SCHIP1: variants seen among roughly 807,000 people sequenced by gnomAD.
SCHIP1 encodes the protein schwannomin-interacting protein 1.
In SCHIP1, 8 loss-of-function variants were observed where a neutral mutation model predicts 29.7. That is an observed-to-expected ratio of 0.27 (90% CI 0.16 to 0.49). The LOEUF is 0.49. Ranked by LOEUF, SCHIP1 falls within the 20% of genes least tolerant of loss-of-function variation. The pLI is 0.99. For missense variants in SCHIP1, 193 were observed against 294.6 expected (o/e 0.66, Z 2.52); for synonymous variants, 76 against 94.9 (o/e 0.80, Z 1.16).
At chr3:159,725,518 G>A in the SCHIP1 span, among the ~76,000 whole-genome samples, 68 of 152,222 alleles carry the variant, frequency 4.5e-4, 1 homozygote, top group East Asian at 8.7e-3. Flanking sequence ...GCCTGCCTCC[G>A]CCTTCCAAAG....
the SCHIP1 span, among the ~76,000 whole-genome samples, chr3:159,758,643 C>T: frequency 6.6e-6 from 1 of 152,310 alleles, no homozygotes; most frequent in African/African-American, 2.4e-5. Flanking sequence ...CATTTCCTAC[C>T]AATGGAATTC....
the SCHIP1 span, among the ~76,000 whole-genome samples, chr3:159,344,001 A>G: frequency 6.6e-6 from 1 of 152,214 alleles, no homozygotes; most frequent in Non-Finnish European, 1.5e-5. Context: ...TTAAAACAAG[A>G]TAGGTTACTT....
the SCHIP1 span, among the ~76,000 whole-genome samples, chr3:159,334,234 T>C: frequency 2.0e-5 from 3 of 152,192 alleles, no homozygotes; most frequent in Admixed American, 2.0e-4. Flanking sequence ...GAAGAGGTTG[T>C]TGGCGAGACT....
At chr3:159,415,438 C>T in the SCHIP1 span, among the ~76,000 whole-genome samples, 2 of 152,172 alleles carry the variant, frequency 1.3e-5, no homozygotes, top group African/African-American at 4.8e-5. Flanking sequence ...TTCTACTCTT[C>T]TTGCTCCTCC....
the SCHIP1 span, among the ~76,000 whole-genome samples, chr3:159,479,184 A>G: frequency 2.6e-5 from 4 of 152,202 alleles, no homozygotes; most frequent in African/African-American, 9.6e-5. Context: ...GAAAAAGTTC[A>G]GAATAAAGAT....
intron 1 of SCHIP1, among the ~76,000 whole-genome samples, chr3:159,853,846 T>C (rs1712982956): frequency 6.6e-6 from 1 of 152,264 alleles, no homozygotes; most frequent in South Asian, 2.1e-4. Context: ...TTTGATTTTA[T>C]TGGCAATGAA....
At chr3:159,771,214 C>T in the SCHIP1 span, among the ~76,000 whole-genome samples, 1 of 152,204 alleles carries the variant, frequency 6.6e-6, no homozygotes, top group Non-Finnish European at 1.5e-5. Context: ...ACTTCTTCCC[C>T]ATCAATGACA....
At chr3:159,482,709 A>G in the SCHIP1 span, among the ~76,000 whole-genome samples, 4 of 152,160 alleles carry the variant, frequency 2.6e-5, no homozygotes, top group Non-Finnish European at 2.9e-5. Flanking sequence ...CCCATCTCCT[A>G]CCTCTGAAAT....
chr3:159,626,064 C>T, the SCHIP1 span, among the ~76,000 whole-genome samples: 22,050 of 136,454 alleles, frequency 0.16, 6,262 homozygotes, highest in African/African-American at 0.62. Context: ...AGACTGAAGG[C>T]TTCCCCACTC....
chr3:159,474,488 A>G, the SCHIP1 span, among the ~76,000 whole-genome samples: 54 of 152,264 alleles, frequency 3.5e-4, no homozygotes, highest in Non-Finnish European at 1.3e-4. Context: ...TATATTGGTT[A>G]AGTTCTGCAT....
chr3:159,639,440 C>A, the SCHIP1 span, among the ~76,000 whole-genome samples: 1 of 151,902 alleles, frequency 6.6e-6, no homozygotes, highest in Non-Finnish European at 1.5e-5. Flanking sequence ...ATTCTGTCAC[C>A]CATCTTAATT....
chr3:159,585,006 C>G, the SCHIP1 span, among the ~76,000 whole-genome samples: 1 of 152,080 alleles, frequency 6.6e-6, no homozygotes, highest in East Asian at 1.9e-4. Flanking sequence ...TCTTTATATC[C>G]TTGCTCAAAT....
the SCHIP1 span, among the ~76,000 whole-genome samples, chr3:159,446,805 C>T: frequency 6.6e-6 from 1 of 152,276 alleles, no homozygotes; most frequent in East Asian, 1.9e-4. Flanking sequence ...GGGTTGTTAA[C>T]TTAAAGCAAT....
At chr3:159,568,867 A>C in the SCHIP1 span, among the ~76,000 whole-genome samples, 1 of 152,156 alleles carries the variant, frequency 6.6e-6, no homozygotes, top group African/African-American at 2.4e-5. Context: ...TCTCATTAGC[A>C]TGTAAATTTT....
the SCHIP1 span, among the ~76,000 whole-genome samples, chr3:159,627,789 G>C: frequency 2.0e-5 from 3 of 152,228 alleles, no homozygotes; most frequent in African/African-American, 7.2e-5. Flanking sequence ...AGATCCCGAA[G>C]AGAAGAGAAA....
the SCHIP1 span, among the ~76,000 whole-genome samples, chr3:159,506,121 T>C: frequency 0.17 from 26,025 of 152,164 alleles, 2,448 homozygotes; most frequent in South Asian, 0.35. Flanking sequence ...CCACATCCTC[T>C]CCAGCACCTG....
chr3:159,624,124 T>C, the SCHIP1 span, among the ~76,000 whole-genome samples: 2 of 152,310 alleles, frequency 1.3e-5, no homozygotes, highest in East Asian at 3.9e-4. Context: ...GGTTACTCTT[T>C]ATTGGCCCAG....
At chr3:159,536,465 C>T in the SCHIP1 span, among the ~76,000 whole-genome samples, 1 of 152,154 alleles carries the variant, frequency 6.6e-6, no homozygotes, top group African/African-American at 2.4e-5. Flanking sequence ...TTTCTTGGTC[C>T]TATTTATGTT....
At chr3:159,381,849 C>T in the SCHIP1 span, among the ~76,000 whole-genome samples, 2 of 152,138 alleles carry the variant, frequency 1.3e-5, no homozygotes, top group Non-Finnish European at 2.9e-5. Context: ...CTGCCCACCT[C>T]AGCTTCCCAA....
Sources: gnomAD v4.1 joint callset for allele counts (sites outside exome capture counted in the v4.1 genomes callset) on GRCh38, gnomAD v4.1.1 for gene constraint, MANE v1.5 for transcripts, NCBI Gene and HGNC (gene_info 2026-07-23, HGNC 2026-07-21) for gene names.